The following ZNF143 variants were observed in gnomAD, a reference collection of about 807,000 sequenced individuals.
ZNF143 encodes zinc finger protein 143.
A neutral mutation model predicts 74.1 loss-of-function variants in ZNF143; 49 were observed. The observed-to-expected ratio is 0.66, with a 90% CI of 0.53 to 0.84. ZNF143 has a LOEUF of 0.84. Ranked by LOEUF, ZNF143 falls within the 40% of genes least tolerant of loss-of-function variation. The pLI is 0.00. For missense variants in ZNF143, 637 were observed against 793.4 expected (o/e 0.80, Z 2.37); for synonymous variants, 304 against 282.8 (o/e 1.07, Z -0.75).
At chr11:9,506,356 G>T (rs751577642) in intron 11 of ZNF143, among the ~76,000 whole-genome samples, 7 of 152,132 alleles carry the variant, frequency 4.6e-5, no homozygotes, top group Non-Finnish European at 8.8e-5. Flanking sequence ...AAAAGCAATG[G>T]AATACAGACT....
chr11:9,526,000 G>C (rs1849112998), intron 15 of ZNF143, among the ~76,000 whole-genome samples: 1 of 151,952 alleles, frequency 6.6e-6, no homozygotes, highest in Admixed American at 6.6e-5. Flanking sequence ...AATTAGCTGG[G>C]TGTGGTGACG....
intron 1 of ZNF143, among the ~76,000 whole-genome samples, chr11:9,467,239 T>G (rs1306672936): frequency 5.2e-3 from 4 of 770 alleles, no homozygotes; most frequent in South Asian, 0.12. Flanking sequence ...AGGAAAGTGT[T>G]TTTTTTTTTT....
chr11:9,487,100 G>C (rs1483110723), intron 7 of ZNF143, among the ~76,000 whole-genome samples: 1 of 150,754 alleles, frequency 6.6e-6, no homozygotes, highest in African/African-American at 2.5e-5. Flanking sequence ...CCGAGTAGCT[G>C]GGAATACAGG....
chr11:9,486,439 A>ATATATATTATATATATT (rs1343381933), intron 7 of ZNF143, among the ~76,000 whole-genome samples: 1 of 23,134 alleles, frequency 4.3e-5, no homozygotes. Flanking sequence ...TTATATATAT[A>ATATATATTATATATATT]ATATATTATA....
chr11:9,514,654 T>C (rs1031469587), intron 13 of ZNF143, among the ~76,000 whole-genome samples: 1 of 152,238 alleles, frequency 6.6e-6, no homozygotes, highest in Non-Finnish European at 1.5e-5. Flanking sequence ...TGAAGGATTT[T>C]CATGAACTCA....
rs1589962893 is a variant in ZNF143, at chr11:9,527,811, A to G, written c.*198A>G. 2 of 541,708 alleles carry G rather than the reference A, an allele frequency of 3.7e-6. No individual in the cohort carries two copies. The highest frequency in any genetic ancestry group is 3.1e-5 in the East Asian group (1 of 32,364). 33.6% of individuals were successfully genotyped at this position (541,708 alleles called of 1,614,324 possible). On this transcript the variant is annotated 3_prime_UTR_variant, in exon 16 of 16. Transcript: ENST00000396602. ...TTGGAATAGATTCTCAGAGTGATTC[A>G]TTGTGTACAAGGAAGTATGAAATTA...
chr11:9,517,638 A>AT (rs1327379516), intron 14 of ZNF143, among the ~76,000 whole-genome samples: 2 of 152,136 alleles, frequency 1.3e-5, no homozygotes, highest in Non-Finnish European at 2.9e-5. Context: ...CGTAGTTTTA[A>AT]TTTTCATTTC....
chr11:9,491,209 A>G (rs768796158), intron 7 of ZNF143, among the ~76,000 whole-genome samples: 2 of 151,512 alleles, frequency 1.3e-5, no homozygotes, highest in African/African-American at 2.4e-5. Flanking sequence ...ACATAGCAAG[A>G]CTCCAGTCTC....
intron 15 of ZNF143, 128 bp downstream of exon 15, chr11:9,525,514 A>C: frequency 8.0e-7 from 1 of 1,247,790 alleles, no homozygotes; most frequent in Non-Finnish European, 1.2e-6. Flanking sequence ...CACCTAGCCT[A>C]CTTTAAGGAA....
intron 12 of ZNF143, among the ~76,000 whole-genome samples, chr11:9,511,724 G>A (rs1377796404): frequency 6.6e-6 from 1 of 150,624 alleles, no homozygotes; most frequent in Admixed American, 6.6e-5. Context: ...TTACAGGTGT[G>A]AGCCACTGTG....
intron 14 of ZNF143, among the ~76,000 whole-genome samples, chr11:9,524,013 A>T (rs1413635292): frequency 6.9e-6 from 1 of 145,884 alleles, no homozygotes; most frequent in East Asian, 2.1e-4. Context: ...AAGCCATTGC[A>T]TTCCAGCTTG....
intron 7 of ZNF143, among the ~76,000 whole-genome samples, chr11:9,492,229 GC>G (rs1357019106): frequency 6.6e-6 from 1 of 150,926 alleles, no homozygotes; most frequent in African/African-American, 2.4e-5. Context: ...TCCTGCCGCA[GC>G]CTCCCTAGTA....
intron 14 of ZNF143, among the ~76,000 whole-genome samples, chr11:9,517,816 T>C (rs1160705274): frequency 6.6e-6 from 1 of 152,178 alleles, no homozygotes; most frequent in African/African-American, 2.4e-5. Context: ...CAAATACTTC[T>C]GCAACCTTAA....
chr11:9,503,736 G>A (rs530438706), intron 11 of ZNF143, among the ~76,000 whole-genome samples: 77 of 151,086 alleles, frequency 5.1e-4, no homozygotes, highest in East Asian at 1.6e-3. Flanking sequence ...TCCGCCTGCC[G>A]GGTTCAAGCG....
At chr11:9,461,209 G>A (rs1855805414) in intron 1 of ZNF143, 133 bp downstream of exon 1, 2 of 459,400 alleles carry the variant, frequency 4.4e-6, no homozygotes, top group African/African-American at 2.1e-5. Context: ...AGGCCTTGCC[G>A]ATTTTATGGG....
chr11:9,471,251 C>T (rs1162122739), intron 1 of ZNF143, 51 bp from the exon 2 acceptor site: 2 of 1,428,656 alleles, frequency 1.4e-6, no homozygotes, highest in Non-Finnish European at 1.9e-6. Flanking sequence ...TTGTAACTTT[C>T]ATTTCACATG....
In ZNF143 at chr11:9,478,451, C is replaced by T. The variant is rs1282811557; in HGVS notation, c.435C>T (p.Ile145=). 1 of 1,614,150 alleles carries T rather than the reference C, an allele frequency of 6.2e-7. No homozygotes were observed. The highest frequency in any genetic ancestry group is 2.2e-5 in the East Asian group (1 of 44,886). ...TGGAAGATGGTACCACAGCTTATATCCACCATGCAGTGCAAGTCCCGCAGT... is the reference window on the plus strand; with the variant it reads ...TGGAAGATGGTACCACAGCTTATATTCACCATGCAGTGCAAGTCCCGCAGT... ...VQLEDGTTAY[I]HHAVQVPQSD... The change falls in exon 6 of 16, where the codon ATC becomes ATT. Residue 145 remains isoleucine (I), a synonymous_variant. Coordinates refer to ENST00000396602, the MANE Select transcript of ZNF143 (RefSeq NM_003442.6).
chr11:9,461,919 C>T (rs1379971794), intron 1 of ZNF143: 1 of 152,192 alleles, frequency 6.6e-6, no homozygotes, highest in Non-Finnish European at 1.5e-5. Flanking sequence ...TTGGAAGTGT[C>T]TAAATCAGCT....
intron 11 of ZNF143, among the ~76,000 whole-genome samples, chr11:9,504,059 A>G (rs1206473650): frequency 2.2e-5 from 3 of 139,374 alleles, no homozygotes; most frequent in Admixed American, 7.8e-5. Context: ...TCCCACGTTC[A>G]AGCAATTCTT....
Sources: gnomAD v4.1 joint callset for allele counts (sites outside exome capture counted in the v4.1 genomes callset) on GRCh38, gnomAD v4.1.1 for gene constraint, MANE v1.5 for transcripts, NCBI Gene and HGNC (gene_info 2026-07-23, HGNC 2026-07-21) for gene names.